PIEZO1: variants seen among roughly 807,000 people sequenced by gnomAD.
PIEZO1 encodes piezo-type mechanosensitive ion channel component 1.
In PIEZO1, 296 loss-of-function variants were observed where a neutral mutation model predicts 297.2. The observed-to-expected ratio is 1.00, with a 90% CI of 0.91 to 1.10. PIEZO1 has a LOEUF of 1.10. Among genes scored for constraint, PIEZO1 ranks in the 50% least tolerant of loss-of-function variants. PIEZO1 has a pLI of 0.00. For synonymous variants in PIEZO1, 2,427 were observed against 1,507.5 expected (o/e 1.61, Z -14.13); for missense variants, 5,018 against 3,455.5 (o/e 1.45, Z -11.34).
At chr16:88,781,211 G>T (rs551881069) in intron 1 of PIEZO1, among the ~76,000 whole-genome samples, 1 of 152,184 alleles carries the variant, frequency 6.6e-6, no homozygotes, top group African/African-American at 2.4e-5. Context: ...ATGCACTGCC[G>T]AGTCAGCACA....
chr16:88,731,590 G>A, intron 22 of PIEZO1, 116 bp downstream of exon 22: 4 of 737,392 alleles, frequency 5.4e-6, no homozygotes, highest in Non-Finnish European at 9.1e-6. Flanking sequence ...AGGGACTGGA[G>A]GAGGCCAAGG....
chr16:88,716,839 A>G lies in PIEZO1; in HGVS notation c.6720T>C (p.Tyr2240=). The G allele has an allele frequency of 6.5e-7, 1 of 1,550,168 alleles. No homozygotes were observed. Among genetic ancestry groups the G allele is most frequent in the Non-Finnish European group, 8.7e-7 (1 of 1,146,946 alleles). The change falls in exon 46 of 51, where the codon TAT becomes TAC. Residue 2240 remains tyrosine (Y), a synonymous_variant. Transcript: ENST00000301015. ...PSIIPFTAQA[Y]EELSRQFDPQ... ...GGTCAAACTGCCGGGACAGCTCCTC[A>G]TAGGCCTGGGCCGTGAAGGGGATGA...
intron 41 of PIEZO1, 27 bp from the exon 42 acceptor site, chr16:88,720,310 G>T: frequency 6.5e-7 from 1 of 1,550,088 alleles, no homozygotes; most frequent in Non-Finnish European, 8.7e-7. Context: ...ACAGGTCAGG[G>T]GGAGCCAAGC....
chr16:88,741,965 CCT>C (rs1905706918), intron 4 of PIEZO1, 86 bp downstream of exon 4: 7 of 1,410,918 alleles, frequency 5.0e-6, no homozygotes, highest in Non-Finnish European at 6.7e-6. Flanking sequence ...TCCAGGTCCC[CCT>C]CTGTCCCTCC....
intron 31 of PIEZO1, 87 bp from the exon 32 acceptor site, chr16:88,723,415 A>T (rs895680270): frequency 2.1e-4 from 297 of 1,446,974 alleles, no homozygotes; most frequent in Non-Finnish European, 2.6e-4. Flanking sequence ...CGGGCGCCAG[A>T]TCCAGATCCC....
chr16:88,748,214 C>T (rs1037687940), intron 2 of PIEZO1, among the ~76,000 whole-genome samples: 1 of 79,174 alleles, frequency 1.3e-5, no homozygotes, highest in South Asian at 4.1e-4. Context: ...GCGGAGGGCC[C>T]GGCCCCACCC....
chr16:88,731,791 G>A lies in PIEZO1; in HGVS notation c.3111C>T (p.Leu1037=). The A allele has an allele frequency of 6.5e-7, 1 of 1,549,524 alleles. No individual in the cohort carries two copies. Among genetic ancestry groups the A allele is most frequent in the Non-Finnish European group, 8.7e-7 (1 of 1,146,742 alleles). ...TRRHRQAIAR[L]WPNYCLFLAL... Reference sequence around the variant, plus strand: ...CCAGGAAGAGGCAGTAGTTGGGCCAGAGGCGGGCAATGGCCTGGCGGTGCC... The same window carrying A: ...CCAGGAAGAGGCAGTAGTTGGGCCAAAGGCGGGCAATGGCCTGGCGGTGCC... Residue 1037 remains leucine, a synonymous_variant, in exon 22 of 51, where the codon CTC becomes CTT. Transcript: ENST00000301015.
chr16:88,778,512 A>C (rs1440915648), intron 1 of PIEZO1, among the ~76,000 whole-genome samples: 3 of 152,052 alleles, frequency 2.0e-5, no homozygotes, highest in Non-Finnish European at 2.9e-5. Flanking sequence ...GATCCACCCC[A>C]CTCGGCAAAG....
Position 88,734,425 on chromosome 16 carries a change from G to A in PIEZO1, c.2111C>T (p.Pro704Leu). Residue 704 changes from proline (P) to leucine (L), a missense_variant, in exon 16 of 51, where the codon CCC (proline) becomes CTC (leucine). Pro to Leu is a moderately conservative substitution (Grantham distance 98, BLOSUM62 -3). Coordinates refer to ENST00000301015, the MANE Select transcript of PIEZO1 (RefSeq NM_001142864.4). ...CILQLHYFHRPFMQLTDMEHV... is the reference protein window; with the variant it reads ...CILQLHYFHRLFMQLTDMEHV... ...CTCCATGTCGGTGAGCTGCATGAAGGGCCTGTGGAAGTAGTGCAGCTGCAG... is the reference window on the plus strand; with the variant it reads ...CTCCATGTCGGTGAGCTGCATGAAGAGCCTGTGGAAGTAGTGCAGCTGCAG... 6.5e-7 allele frequency: 1 copy of A among 1,549,948 alleles called. No homozygotes were observed. Among genetic ancestry groups the A allele is most frequent in the Non-Finnish European group, 8.7e-7 (1 of 1,146,704 alleles).
At chr16:88,716,938 G>A (rs746664158) in intron 45 of PIEZO1, 40 bp from the exon 46 acceptor site, 16 of 1,546,460 alleles carry the variant, frequency 1.0e-5, no homozygotes, top group Admixed American at 5.9e-5. Context: ...GAAGATGAGC[G>A]TGGAGGAGCG....
In PIEZO1 at chr16:88,720,185, C is replaced by T. The variant is rs1912329485; in HGVS notation, c.6048G>A (p.Val2016=). 1 of 1,550,420 alleles carries T rather than the reference C, an allele frequency of 6.4e-7. No homozygotes were observed. The highest frequency in any genetic ancestry group is 1.4e-5 in the African/African-American group (1 of 73,060). The change falls in exon 42 of 51, where the codon GTG becomes GTA. Residue 2016 remains valine (V), a synonymous_variant. Coordinates refer to ENST00000301015, the MANE Select transcript of PIEZO1 (RefSeq NM_001142864.4). ...TGCGCAGGTAGAGGGCGCGGTCAAC[C>T]ACCATGGTACTGAACTGGATCAGCA... ...VMLLIQFSTM[V]VDRALYLRKT...
At chr16:88,746,781 C>T (rs899557624) in intron 2 of PIEZO1, among the ~76,000 whole-genome samples, 3 of 152,226 alleles carry the variant, frequency 2.0e-5, no homozygotes, top group Non-Finnish European at 4.4e-5. Context: ...CCTGGCTGGG[C>T]GCCTGCCTTC....
At position 88,781,655 on chromosome 16, in the gene PIEZO1, G is replaced by A. The variant is rs527255235; in HGVS notation, c.64+3246C>T. ...CTTCCCAGCACCCTCGGATGGGACAGGCCAGGGTTCTGTGCAGGTCCTGAG... is the reference window on the plus strand; with the variant it reads ...CTTCCCAGCACCCTCGGATGGGACAAGCCAGGGTTCTGTGCAGGTCCTGAG... On this transcript the variant is annotated intron_variant, in intron 1 of 50. Transcript: ENST00000301015. Among the ~76,000 whole-genome samples the A allele has an allele frequency of 2.6e-5, 4 of 152,380 alleles. No homozygotes were observed. The South Asian group carries it at 8.3e-4, about 32-fold the overall frequency.
chr16:88,736,294 G>C lies in PIEZO1; in HGVS notation c.1411C>G (p.Leu471Val). The C allele has an allele frequency of 6.5e-7, 1 of 1,550,240 alleles. No homozygotes were observed. Among genetic ancestry groups the C allele is most frequent in the Non-Finnish European group, 8.7e-7 (1 of 1,146,868 alleles). ...CAGCACAGCGTCATCCCATACAGCA[G>C]GATGCAGGGCGAGCACAGCATGGCC... ...QLAMLCSPCILLYGMTLCCLR... is the reference protein window; with the variant it reads ...QLAMLCSPCIVLYGMTLCCLR... Residue 471 changes from leucine to valine, a missense_variant, in exon 12 of 51, where the codon CTG (leucine) becomes GTG (valine). Coordinates refer to ENST00000301015, the MANE Select transcript of PIEZO1 (RefSeq NM_001142864.4).
Position 88,716,570 on chromosome 16 carries a change from C to T in PIEZO1, c.6915G>A (p.Trp2305Ter). The T allele has an allele frequency of 6.5e-7, 1 of 1,543,468 alleles. No homozygotes were observed. The highest frequency in any genetic ancestry group is 8.8e-7 in the Non-Finnish European group (1 of 1,142,440). Residue 2305 changes from tryptophan to a stop codon, truncating the protein, a stop_gained, in exon 47 of 51, where the codon TGG (tryptophan) becomes TGA (stop). Transcript: ENST00000301015. LOFTEE classifies it high-confidence loss of function. The stretch of plus-strand genomic sequence containing the variant: ...AGTCCAGGACGAACCTCTGGAAGTT[C>T]CAGGTGAAGCGCAGGGTGATGTCGG... ...GTADITLRFT[W>*]NFQRDLAKGG...
chr16:88,756,156 A>G (rs1210096271), intron 1 of PIEZO1, among the ~76,000 whole-genome samples: 1 of 152,122 alleles, frequency 6.6e-6, no homozygotes, highest in Non-Finnish European at 1.5e-5. Context: ...AGGGTGGTCT[A>G]TGCTCTCGGG....
chr16:88,725,594 CTG>C lies in PIEZO1; in HGVS notation c.4057_4058del (p.Gln1353AspfsTer69), dbSNP rs1316850381. The C allele has an allele frequency of 6.5e-7, 1 of 1,546,172 alleles. No homozygotes were observed. Among genetic ancestry groups the C allele is most frequent in the Non-Finnish European group, 8.7e-7 (1 of 1,143,014 alleles). On this transcript the variant is annotated frameshift_variant and splice_region_variant, in exon 28 of 51. Coordinates refer to ENST00000301015, the MANE Select transcript of PIEZO1 (RefSeq NM_001142864.4). LOFTEE classifies it high-confidence loss of function. ...EEKSLAQLKR[Q>X]MERIRAKQEK... ...GGAGTCCCCGCCCCAGAGGCACCTA[CTG>C]TCTTTTCAGCTGGGCCAGGGACTTC...
chr16:88,737,031 A>C lies in PIEZO1; in HGVS notation c.1196-292T>G, dbSNP rs537956721. The stretch of plus-strand genomic sequence containing the variant: ...GCACCTGAAGACTCTCAGGACCCCC[A>C]CCCCAGGGCCGTGGCTTCATTTGCT... On this transcript the variant is annotated intron_variant, in intron 10 of 50. Coordinates refer to ENST00000301015, the MANE Select transcript of PIEZO1 (RefSeq NM_001142864.4). 12 of 319,020 alleles carry C rather than the reference A, an allele frequency of 3.8e-5. No individual in the cohort carries two copies. The East Asian group carries it at 6.5e-4, about 17-fold the overall frequency. 19.8% of individuals were successfully genotyped at this position (319,020 alleles called of 1,614,324 possible).
At chr16:88,750,251 G>A (rs538129355) in intron 1 of PIEZO1, among the ~76,000 whole-genome samples, 9 of 152,074 alleles carry the variant, frequency 5.9e-5, no homozygotes, top group African/African-American at 9.7e-5. Flanking sequence ...CAGGAGAATC[G>A]CTTGAACCCG....
Sources: allele counts gnomAD v4.1 joint callset (sites outside exome capture counted in the v4.1 genomes callset), GRCh38; gene constraint gnomAD v4.1.1; transcripts MANE v1.5; gene names NCBI Gene and HGNC (gene_info 2026-07-23, HGNC 2026-07-21).